Variants in ROBO1 observed in about 807,000 individuals in gnomAD.
ROBO1 encodes roundabout homolog 1.
Under a neutral mutation model 195.9 loss-of-function variants are expected in ROBO1, and 149 were observed. The ratio of observed to expected loss-of-function variants is 0.76; its 90% CI spans 0.67 to 0.87. The LOEUF (loss-of-function observed/expected upper bound fraction) is 0.87. ROBO1 is among the 40% of genes least tolerant of loss of function. The probability of loss-of-function intolerance (pLI) is 0.00; values close to 1 mark genes in which losing one functional copy is unlikely to be tolerated. For missense variants in ROBO1, 1,933 were observed against 2,068.3 expected, an observed-to-expected ratio of 0.93 and a Z score of 1.27; for synonymous variants, 816 against 733.2, an observed-to-expected ratio of 1.11 and a Z score of -1.82.
intron 3 of ROBO1, among the ~76,000 whole-genome samples, chr3:78,983,924 T>C (rs930716938): frequency 1.3e-5 from 2 of 152,098 alleles, no homozygotes; most frequent in Non-Finnish European, 2.9e-5. Context: ...CTCAGTTCAG[T>C]TAGTACAAGT....
chr3:78,639,168 C>A (rs983887214), intron 22 of ROBO1, among the ~76,000 whole-genome samples: 5 of 151,790 alleles, frequency 3.3e-5, no homozygotes, highest in Non-Finnish European at 7.4e-5. Context: ...AAGTTAAATA[C>A]TTTTATGGCT....
Position 79,243,680 on chromosome 3 carries a change from TG to T in ROBO1, c.89-118142del, listed in dbSNP as rs1288038659. ...TCCTTCGCCCACTTTTTGATGGGGT[TG>T]TTTTTTTCTTGTAAATTTGTTTGAG... On this transcript the variant is annotated intron_variant, in intron 2 of 30. Coordinates refer to ENST00000464233, the MANE Select transcript of ROBO1 (RefSeq NM_002941.4). Among the ~76,000 whole-genome samples, 6 of 152,170 alleles carry T rather than the reference TG, an allele frequency of 3.9e-5. No individual in the cohort carries two copies. The East Asian group carries it at 1.2e-3, about 29-fold the overall frequency.
At chr3:79,292,041 T>C (rs2032281089) in intron 2 of ROBO1, among the ~76,000 whole-genome samples, 1 of 152,230 alleles carries the variant, frequency 6.6e-6, no homozygotes, top group Admixed American at 6.5e-5. Context: ...TTCAGATAAT[T>C]TGAACTGAAT....
intron 3 of ROBO1, among the ~76,000 whole-genome samples, chr3:79,044,480 AG>A (rs1669872901): frequency 6.6e-6 from 1 of 152,194 alleles, no homozygotes; most frequent in Non-Finnish European, 1.5e-5. Flanking sequence ...AAGATATAAA[AG>A]TATAATATCT....
chr3:78,677,097 A>T (rs1243221174), intron 10 of ROBO1, among the ~76,000 whole-genome samples: 3 of 152,186 alleles, frequency 2.0e-5, no homozygotes, highest in Admixed American at 6.5e-5. Context: ...TGAAGGAGTA[A>T]TAAAATACTT....
At chr3:79,650,624 C>A in intron 1 of ROBO1, among the ~76,000 whole-genome samples, 1 of 151,304 alleles carries the variant, frequency 6.6e-6, no homozygotes, top group Middle Eastern at 3.5e-3. Flanking sequence ...CTTAATTATG[C>A]AATAATAAGA....
chr3:78,717,669 T>A, intron 6 of ROBO1, 94 bp downstream of exon 6: 2 of 1,376,134 alleles, frequency 1.5e-6, no homozygotes, highest in Non-Finnish European at 2.0e-6. Flanking sequence ...CTAAAAATAT[T>A]TGGCTTAACA....
chr3:79,256,364 TAC>T (rs2082833571), intron 2 of ROBO1, among the ~76,000 whole-genome samples: 1 of 152,054 alleles, frequency 6.6e-6, no homozygotes, highest in Non-Finnish European at 1.5e-5. Context: ...CACTTGAGAG[TAC>T]AGTTAATGGA....
At chr3:79,761,750 A>G (rs1704712432) in intron 1 of ROBO1, among the ~76,000 whole-genome samples, 1 of 152,176 alleles carries the variant, frequency 6.6e-6, no homozygotes, top group Non-Finnish European at 1.5e-5. Flanking sequence ...TCTCTGAAGC[A>G]CGGTAATCTG....
At chr3:79,250,229 C>A (rs1317018348) in intron 2 of ROBO1, among the ~76,000 whole-genome samples, 1 of 152,050 alleles carries the variant, frequency 6.6e-6, no homozygotes, top group Non-Finnish European at 1.5e-5. Context: ...TATTAAGGAG[C>A]ACAGTAATGG....
chr3:78,930,341 G>A (rs1451079030), intron 4 of ROBO1, among the ~76,000 whole-genome samples: 1 of 152,154 alleles, frequency 6.6e-6, no homozygotes, highest in African/African-American at 2.4e-5. Flanking sequence ...TGCATTTTAA[G>A]GCAGTGTGCT....
intron 4 of ROBO1, among the ~76,000 whole-genome samples, chr3:78,920,053 C>T (rs1270286455): frequency 2.6e-5 from 4 of 152,054 alleles, no homozygotes; most frequent in African/African-American, 9.7e-5. Context: ...AGTGTGAATT[C>T]GGAAAACAAA....
intron 2 of ROBO1, among the ~76,000 whole-genome samples, chr3:79,242,648 A>T (rs1000645252): frequency 6.6e-6 from 1 of 152,138 alleles, no homozygotes; most frequent in Admixed American, 6.6e-5. Flanking sequence ...TACATTCACC[A>T]TCTATAACTT....
intron 9 of ROBO1, among the ~76,000 whole-genome samples, chr3:78,686,952 T>C (rs2081066280): frequency 6.6e-6 from 1 of 152,178 alleles, no homozygotes; most frequent in African/African-American, 2.4e-5. Flanking sequence ...TTGAATTTCA[T>C]GAAATAAAAA....
At chr3:78,849,639 A>T (rs978181318) in intron 4 of ROBO1, among the ~76,000 whole-genome samples, 5 of 152,012 alleles carry the variant, frequency 3.3e-5, no homozygotes, top group African/African-American at 9.7e-5. Context: ...AAATCACATC[A>T]TATCATTTTC....
chr3:79,277,871 A>G (rs2031178094), intron 2 of ROBO1, among the ~76,000 whole-genome samples: 1 of 152,106 alleles, frequency 6.6e-6, no homozygotes, highest in Non-Finnish European at 1.5e-5. Context: ...ATTGAAAAAG[A>G]GGAAGTAAAG....
chr3:78,728,046 C>T (rs1242100544), intron 5 of ROBO1, among the ~76,000 whole-genome samples: 1 of 152,020 alleles, frequency 6.6e-6, no homozygotes, highest in Non-Finnish European at 1.5e-5. Context: ...AGCCAAATCA[C>T]AGTTCTTCTT....
At chr3:79,174,336 C>T (rs192113161) in intron 2 of ROBO1, among the ~76,000 whole-genome samples, 55 of 151,864 alleles carry the variant, frequency 3.6e-4, no homozygotes, top group African/African-American at 1.3e-3. Context: ...TAACACTCAC[C>T]GCAAAGGTCC....
chr3:79,660,592 G>A (rs1256812078), intron 1 of ROBO1, among the ~76,000 whole-genome samples: 1 of 152,018 alleles, frequency 6.6e-6, no homozygotes, highest in Non-Finnish European at 1.5e-5. Context: ...AGTCACCTGG[G>A]AACTCTGTAT....
Sources: allele counts gnomAD v4.1 joint callset (sites outside exome capture counted in the v4.1 genomes callset), GRCh38; gene constraint gnomAD v4.1.1; transcripts MANE v1.5; gene names NCBI Gene and HGNC (gene_info 2026-07-23, HGNC 2026-07-21).